The following LPIN1 variants were observed in gnomAD, a reference collection of about 807,000 sequenced individuals.
The protein encoded by LPIN1 is phosphatidate phosphatase LPIN1.
Under a neutral mutation model 107.5 loss-of-function variants are expected in LPIN1, and 71 were observed. That is an observed-to-expected ratio of 0.66 (90% CI 0.55 to 0.80). The LOEUF (loss-of-function observed/expected upper bound fraction) is 0.80, where lower values mean the gene tolerates loss of function less well. LPIN1 is among the 30% of genes least tolerant of loss of function. LPIN1 has a pLI of 0.00. For synonymous variants in LPIN1, 445 were observed against 452.6 expected (o/e 0.98, Z 0.21); for missense variants, 1,043 against 1,160.6 (o/e 0.90, Z 1.47).
rs886054801 is a variant in LPIN1, at chr2:11,825,195, G to T, written c.*404G>T. ...GGGTCAATCGAGGAATGCCAGATGT[G>T]CACGGTTTTTGGCAAAGTAGGGGGC... On this transcript the variant is annotated 3_prime_UTR_variant, in exon 21 of 21. Transcript: ENST00000674199. This position sits in a 1 kb window ranked among gnomAD's most constrained non-coding sequence, Gnocchi z 4.1. 2 of 255,326 alleles carry T rather than the reference G, an allele frequency of 7.8e-6. No homozygotes were observed. Among genetic ancestry groups the T allele is most frequent in the Non-Finnish European group, 7.7e-6 (1 of 129,102 alleles). The allele number at this position is 255,326 out of a possible 1,614,324, so 15.8% of individuals were successfully genotyped here.
rs1396415295 is a variant in LPIN1 at position 11,776,114 on chromosome 2, C to T, written c.751C>T (p.Pro251Ser). ...CCTGGTAGATTGCAAAAGGACTGCC[C>T]CTCATCTTGCAGTTGCGGCCGAGGG... ...SSLVDCKRTAPHLAVAAEGGL... is the reference protein window; with the variant it reads ...SSLVDCKRTASHLAVAAEGGL... Residue 251 changes from proline (P) to serine (S), a missense_variant, in exon 6 of 21, where the codon CCT (proline) becomes TCT (serine). Coordinates refer to ENST00000674199, the MANE Select transcript of LPIN1 (RefSeq NM_001349206.2). 1.9e-6 allele frequency: 3 copies of T among 1,548,222 alleles called. No individual in the cohort carries two copies. The Admixed American group carries it at 5.9e-5, about 30-fold the overall frequency.
intron 18 of LPIN1, among the ~76,000 whole-genome samples, chr2:11,815,677 C>A (rs536307494): frequency 2.6e-4 from 40 of 152,174 alleles, no homozygotes; most frequent in Non-Finnish European, 4.9e-4. Context: ...CCTTAGGGAT[C>A]CTTAAGTGGC....
intron 17 of LPIN1, among the ~76,000 whole-genome samples, chr2:11,810,338 C>T (rs1679435415): frequency 6.6e-6 from 1 of 152,094 alleles, no homozygotes; most frequent in African/African-American, 2.4e-5. Context: ...CATGGAGGAG[C>T]AGGGTTTCAA....
chr2:11,735,694 G>A (rs1362048064), intron 1 of LPIN1, among the ~76,000 whole-genome samples: 1 of 152,192 alleles, frequency 6.6e-6, no homozygotes, highest in Non-Finnish European at 1.5e-5. Flanking sequence ...CGATGAAAGG[G>A]GTTGTGTTAG....
chr2:11,719,787 G>GCTT (rs1248333228), upstream of LPIN1, among the ~76,000 whole-genome samples: 1 of 100,070 alleles, frequency 1.0e-5, no homozygotes, highest in Non-Finnish European at 2.1e-5. Flanking sequence ...ATAACCAATT[G>GCTT]CTTCTTTTTT....
chr2:11,805,017 A>G, intron 16 of LPIN1, 53 bp from the exon 17 acceptor site: 1 of 1,084,544 alleles, frequency 9.2e-7, no homozygotes, highest in Non-Finnish European at 1.4e-6. Flanking sequence ...TGAATGGTGC[A>G]ATGAATCTGA....
At chr2:11,760,060 G>A (rs1489189125) in intron 1 of LPIN1, among the ~76,000 whole-genome samples, 1 of 152,128 alleles carries the variant, frequency 6.6e-6, no homozygotes, top group Non-Finnish European at 1.5e-5. Flanking sequence ...GCCGGGCAGA[G>A]GCGCTCCTCA....
intron 2 of LPIN1, 60 bp from the exon 3 acceptor site, chr2:11,767,703 T>C (rs886278067): frequency 1.9e-6 from 2 of 1,059,328 alleles, no homozygotes; most frequent in Non-Finnish European, 3.0e-6. Context: ...GCCGTCCCCA[T>C]GAGGTCTCCT....
intron 1 of LPIN1, among the ~76,000 whole-genome samples, chr2:11,759,437 G>T (rs186634820): frequency 6.6e-6 from 1 of 151,994 alleles, no homozygotes; most frequent in Non-Finnish European, 1.5e-5. Context: ...ATCTTGCACC[G>T]CCCTTAATCC....
chr2:11,744,773 C>T (rs545869976), upstream of LPIN1, among the ~76,000 whole-genome samples: 1 of 152,278 alleles, frequency 6.6e-6, no homozygotes, highest in South Asian at 2.1e-4. Context: ...TGCAGGAGGG[C>T]TTCCTTCTGG....
upstream of LPIN1, chr2:11,724,193 G>A (rs760807903): frequency 9.9e-5 from 26 of 262,212 alleles, no homozygotes; most frequent in South Asian, 1.4e-4. Flanking sequence ...GGTCTCCTGC[G>A]TGCCCCCTCC....
chr2:11,693,814 ATATATATATTTTTTTT>A (rs1244107390), intron 1 of LPIN1, among the ~76,000 whole-genome samples: 1 of 32,958 alleles, frequency 3.0e-5, no homozygotes, highest in African/African-American at 8.0e-5. Context: ...ATATATATAT[ATATATATATTTTTTTT>A]TTTTTTTTTT....
Position 11,768,012 on chromosome 2 carries a change from T to C in LPIN1, c.288+154T>C, listed in dbSNP as rs115718398. Among the ~76,000 whole-genome samples, 2,914 of 152,114 alleles carry C rather than the reference T, an allele frequency of 0.019. 29 individuals carry two copies. Among genetic ancestry groups the C allele is most frequent in the African/African-American group, 0.031 (1,305 of 41,480 alleles). ...AGTGGGCGTTGATCTGTGTGGGGGA[T>C]TTGAGCCAGACGGCCTAGGGGTGTG... is the stretch of plus-strand genomic sequence containing the variant. On this transcript the variant is annotated intron_variant, in intron 3 of 20. Transcript: ENST00000674199.
chr2:11,806,625 A>G (rs1207277991), intron 17 of LPIN1, among the ~76,000 whole-genome samples: 1 of 152,234 alleles, frequency 6.6e-6, no homozygotes, highest in African/African-American at 2.4e-5. Context: ...TTAGATGCCC[A>G]AGCTCATTGG....
intron 1 of LPIN1, among the ~76,000 whole-genome samples, chr2:11,701,674 A>G (rs760245928): frequency 6.6e-6 from 1 of 152,218 alleles, no homozygotes; most frequent in African/African-American, 2.4e-5. Context: ...ACAGTACATC[A>G]TCATCTCCAT....
At chr2:11,761,222 A>G (rs1669777043) in intron 1 of LPIN1, among the ~76,000 whole-genome samples, 1 of 152,224 alleles carries the variant, frequency 6.6e-6, no homozygotes, top group Non-Finnish European at 1.5e-5. Context: ...TCTAAGTTCA[A>G]CGTGGAAGGA....
chr2:11,704,190 C>T (rs1663018601), intron 1 of LPIN1, among the ~76,000 whole-genome samples: 1 of 152,248 alleles, frequency 6.6e-6, no homozygotes, highest in South Asian at 2.1e-4. Flanking sequence ...ATTGGTCAAG[C>T]AAGTCACTTA....
intron 9 of LPIN1, 57 bp from the exon 10 acceptor site, chr2:11,784,829 T>C: frequency 3.2e-6 from 5 of 1,556,640 alleles, no homozygotes; most frequent in Non-Finnish European, 4.4e-6. Flanking sequence ...GATGGTGATG[T>C]AGGACCCTGA....
chr2:11,748,300 T>C (rs897709568), intron 1 of LPIN1, among the ~76,000 whole-genome samples: 8 of 152,302 alleles, frequency 5.3e-5, no homozygotes, highest in Admixed American at 1.3e-4. Context: ...TGAAAAGATA[T>C]TTCAGAAGAA....
Sources: gnomAD v4.1 joint callset for allele counts (sites outside exome capture counted in the v4.1 genomes callset) on GRCh38, gnomAD v4.1.1 for gene constraint, Gnocchi (gnomAD v3.1) non-coding constraint, MANE v1.5 for transcripts, NCBI Gene and HGNC (gene_info 2026-07-23, HGNC 2026-07-21) for gene names.